Variants in EEF1G observed in about 807,000 individuals in gnomAD.
The protein encoded by EEF1G is elongation factor 1-gamma.
EEF1G carries 14 observed loss-of-function variants against 58.3 expected under a neutral mutation model. The observed-to-expected ratio is 0.24, with a 90% CI of 0.16 to 0.38. The LOEUF is 0.38. Ranked by LOEUF, EEF1G falls within the 10% of genes least tolerant of loss-of-function variation. EEF1G has a pLI of 1.00. For missense variants in EEF1G, 322 were observed against 550.1 expected (o/e 0.59, Z 4.15); for synonymous variants, 180 against 206.8 (o/e 0.87, Z 1.11).
chr11:62,561,946 TC>T (rs1196565875), intron 7 of EEF1G, among the ~76,000 whole-genome samples: 2 of 152,218 alleles, frequency 1.3e-5, no homozygotes, highest in Non-Finnish European at 2.9e-5. Flanking sequence ...GTTAAGCAGA[TC>T]CTCAGCATTT....
intron 5 of EEF1G, among the ~76,000 whole-genome samples, chr11:62,569,465 C>T (rs1208454898): frequency 4.6e-5 from 7 of 152,152 alleles, no homozygotes; most frequent in Admixed American, 4.6e-4. Flanking sequence ...CAGAGCAAGA[C>T]TCTGTCAAAA....
intron 9 of EEF1G, 37 bp from the exon 10 acceptor site, chr11:62,559,874 G>A (rs770261179): frequency 1.9e-6 from 3 of 1,613,766 alleles, no homozygotes; most frequent in South Asian, 1.1e-5. Context: ...CAAGTTATGA[G>A]ACACCACCCC....
In EEF1G at chr11:62,572,731, C is replaced by T. The variant is rs779311118; in HGVS notation, c.24G>A (p.Thr8=). The stretch of plus-strand genomic sequence containing the variant: ...TGAAGGCCCTCCAGTTTTCAGGATA[C>T]GTGTACAGGGTCTATGGGAGAAAGA... The part of the protein sequence containing the change: MAAGTLY[T]YPENWRAFKA... The change falls in exon 2 of 10, where the codon ACG becomes ACA. Residue 8 remains threonine (T), a synonymous_variant. Transcript: ENST00000329251. The T allele has an allele frequency of 2.4e-5, 39 of 1,613,074 alleles. No individual in the cohort carries two copies. The highest frequency in any genetic ancestry group is 1.7e-4 in the Middle Eastern group (1 of 5,910).
At chr11:62,569,525 T>C (rs754028826) in intron 5 of EEF1G, among the ~76,000 whole-genome samples, 5 of 152,204 alleles carry the variant, frequency 3.3e-5, no homozygotes, top group Admixed American at 2.6e-4. Context: ...TTAAACTTAG[T>C]GTCTGGTGTA....
chr11:62,569,102 C>CACAA (rs1301537208), intron 5 of EEF1G, among the ~76,000 whole-genome samples: 1 of 150,698 alleles, frequency 6.6e-6, no homozygotes, highest in Non-Finnish European at 1.5e-5. Context: ...CACACACACA[C>CACAA]CCCCCACACC....
chr11:62,571,261 T>C (rs1442934575), intron 4 of EEF1G, among the ~76,000 whole-genome samples, 153 bp from the exon 5 acceptor site: 1 of 152,166 alleles, frequency 6.6e-6, no homozygotes, highest in Non-Finnish European at 1.5e-5. Flanking sequence ...TCATTCTAAA[T>C]GTATTACAAA....
At chr11:62,569,141 AG>A (rs1161167077) in intron 5 of EEF1G, among the ~76,000 whole-genome samples, 1 of 151,590 alleles carries the variant, frequency 6.6e-6, no homozygotes, top group East Asian at 1.9e-4. Context: ...CAGAAAGTAA[AG>A]AACATTCAAA....
chr11:62,573,487 T>C (rs1241214963), intron 1 of EEF1G: 17 of 421,702 alleles, frequency 4.0e-5, no homozygotes, highest in Non-Finnish European at 7.4e-5. Context: ...CTTCAACCTG[T>C]CCCCTGTGTT....
chr11:62,565,693 A>G (rs775873029), intron 7 of EEF1G, among the ~76,000 whole-genome samples: 1 of 152,230 alleles, frequency 6.6e-6, no homozygotes, highest in Non-Finnish European at 1.5e-5. Flanking sequence ...CACCTGTGCT[A>G]AATTCAAGGC....
chr11:62,566,679 TA>T, intron 7 of EEF1G, 126 bp downstream of exon 7: 1 of 930,838 alleles, frequency 1.1e-6, no homozygotes, highest in Non-Finnish European at 1.6e-6. Flanking sequence ...TATTTGCAAC[TA>T]AAATATACCT....
intron 7 of EEF1G, 128 bp from the exon 8 acceptor site, chr11:62,560,582 T>C: frequency 1.9e-6 from 2 of 1,066,718 alleles, no homozygotes; most frequent in South Asian, 1.6e-5. Flanking sequence ...CAGATGTGTA[T>C]GACCTTATGA....
At chr11:62,567,337 T>A in intron 6 of EEF1G, 62 bp downstream of exon 6, 2 of 1,533,560 alleles carry the variant, frequency 1.3e-6, no homozygotes, top group Non-Finnish European at 8.7e-7. Flanking sequence ...AATCAAGGGG[T>A]TGATGCAGAG....
In EEF1G at chr11:62,571,139, TG is replaced by T. The variant is rs1476255158; in HGVS notation, c.379-32del. ...GATTCAACATGATAAAACTCATCAG[TG>T]GGTACCAATCCCTTTCCCTCACCTC... On this transcript the variant is annotated intron_variant, in intron 4 of 9. Coordinates refer to ENST00000329251, the MANE Select transcript of EEF1G (RefSeq NM_001404.5). 5.0e-6 allele frequency: 8 copies of T among 1,613,570 alleles called. No homozygotes were observed. In the African/African-American group the frequency reaches 1.1e-4, roughly 22 times the overall value.
intron 1 of EEF1G, chr11:62,572,947 T>C: frequency 4.5e-6 from 2 of 442,538 alleles, no homozygotes; most frequent in Non-Finnish European, 7.9e-6. Context: ...AACTGCTAAA[T>C]AAAGCTTGTT....
intron 9 of EEF1G, 21 bp downstream of exon 9, chr11:62,560,048 C>T (rs1342829832): frequency 1.2e-6 from 2 of 1,613,912 alleles, no homozygotes. Context: ...TAAAGAGACT[C>T]CTCTCCTCCA....
intron 7 of EEF1G, among the ~76,000 whole-genome samples, chr11:62,564,738 G>A (rs62373818): frequency 2.6e-5 from 3 of 115,746 alleles, no homozygotes; most frequent in Middle Eastern, 7.0e-3. Flanking sequence ...CAGCCTGGGC[G>A]ACAGAGCCAG....
chr11:62,563,606 G>T (rs1164428246), intron 7 of EEF1G, among the ~76,000 whole-genome samples: 1 of 152,180 alleles, frequency 6.6e-6, no homozygotes, highest in Non-Finnish European at 1.5e-5. Context: ...TCTAATGCAG[G>T]ATTGTGCCAT....
intron 5 of EEF1G, 86 bp downstream of exon 5, chr11:62,570,879 C>T: frequency 1.3e-6 from 2 of 1,573,486 alleles, no homozygotes; most frequent in Non-Finnish European, 1.7e-6. Flanking sequence ...AAGTCCTCAG[C>T]AGAATACAGG....
intron 7 of EEF1G, among the ~76,000 whole-genome samples, chr11:62,561,208 C>A (rs1018097412): frequency 1.3e-5 from 2 of 151,548 alleles, no homozygotes; most frequent in East Asian, 3.9e-4. Context: ...GAGTTCAAGC[C>A]CAGCCTGACC....
Sources: allele counts gnomAD v4.1 joint callset (sites outside exome capture counted in the v4.1 genomes callset), GRCh38; gene constraint gnomAD v4.1.1; transcripts MANE v1.5; gene names NCBI Gene and HGNC (gene_info 2026-07-23, HGNC 2026-07-21).